TBC1D32: variants seen among roughly 807,000 people sequenced by gnomAD.
TBC1D32 encodes protein broad-minded.
A neutral mutation model predicts 170.3 loss-of-function variants in TBC1D32; 151 were observed. The observed-to-expected ratio is 0.89, with a 90% CI of 0.78 to 1.01. TBC1D32 has a LOEUF of 1.01. Among genes scored for constraint, TBC1D32 ranks in the 50% least tolerant of loss-of-function variants. The pLI is 0.00. For synonymous variants in TBC1D32, 498 were observed against 488.0 expected, an observed-to-expected ratio of 1.02 and a Z score of -0.27; for missense variants, 1,464 against 1,457.1, an observed-to-expected ratio of 1.00 and a Z score of -0.08.
At chr6:121,158,284 A>G (rs940052882) in intron 24 of TBC1D32, among the ~76,000 whole-genome samples, 8 of 152,162 alleles carry the variant, frequency 5.3e-5, no homozygotes, top group Non-Finnish European at 1.0e-4. Context: ...CTATTCTGCT[A>G]TTAATACTTC....
chr6:121,082,937 C>T (rs1267560271), intron 31 of TBC1D32, among the ~76,000 whole-genome samples: 1 of 151,860 alleles, frequency 6.6e-6, no homozygotes, highest in Non-Finnish European at 1.5e-5. Flanking sequence ...TGATATAGTT[C>T]ATTATTGAAA....
intron 15 of TBC1D32, among the ~76,000 whole-genome samples, chr6:121,256,669 GA>G (rs1799061962): frequency 6.6e-6 from 1 of 151,530 alleles, no homozygotes. Flanking sequence ...CAAAGGCTGA[GA>G]AACTTTTTTT....
intron 21 of TBC1D32, among the ~76,000 whole-genome samples, chr6:121,215,454 T>A (rs1484458790): frequency 6.6e-6 from 1 of 152,190 alleles, no homozygotes; most frequent in Non-Finnish European, 1.5e-5. Flanking sequence ...ACCACTGCCA[T>A]CAATTTCATG....
chr6:121,089,925 G>A (rs1776634811), intron 31 of TBC1D32, among the ~76,000 whole-genome samples: 1 of 150,706 alleles, frequency 6.6e-6, no homozygotes, highest in Non-Finnish European at 1.5e-5. Context: ...AACATTTTAA[G>A]TTCAAAGATT....
At chr6:121,277,695 G>C (rs4255016) in intron 15 of TBC1D32, among the ~76,000 whole-genome samples, 149,971 of 151,696 alleles carry the variant, frequency 0.99, 74,167 homozygotes, top group East Asian at 1. Flanking sequence ...AACGAATCAT[G>C]TAAGCTTCCA....
intron 30 of TBC1D32, among the ~76,000 whole-genome samples, chr6:121,103,099 G>A (rs1002145854): frequency 2.0e-5 from 3 of 152,118 alleles, no homozygotes; most frequent in Non-Finnish European, 2.9e-5. Flanking sequence ...TGCTGGAGAG[G>A]ATGTGGAGAA....
At chr6:121,244,628 C>T (rs1035656341) in intron 17 of TBC1D32, among the ~76,000 whole-genome samples, 1 of 152,154 alleles carries the variant, frequency 6.6e-6, no homozygotes, top group African/African-American at 2.4e-5. Flanking sequence ...ATTTTCTACT[C>T]ACTTATTAAA....
At chr6:121,213,880 C>T (rs529017959) in intron 21 of TBC1D32, among the ~76,000 whole-genome samples, 17 of 152,234 alleles carry the variant, frequency 1.1e-4, no homozygotes, top group Non-Finnish European at 2.1e-4. Flanking sequence ...CATCATGTTA[C>T]CTGACTTGGA....
At chr6:121,173,395 T>C (rs1787336603) in intron 22 of TBC1D32, among the ~76,000 whole-genome samples, 1 of 152,178 alleles carries the variant, frequency 6.6e-6, no homozygotes, top group South Asian at 2.1e-4. Flanking sequence ...CTCCCTTTTA[T>C]ATATACTTGT....
chr6:121,324,656 A>T (rs1563413265), intron 1 of TBC1D32, among the ~76,000 whole-genome samples: 1 of 152,202 alleles, frequency 6.6e-6, no homozygotes, highest in Non-Finnish European at 1.5e-5. Flanking sequence ...TTATTTGAAG[A>T]TCTTCCCATA....
intron 23 of TBC1D32, 74 bp downstream of exon 23, chr6:121,160,874 T>C (rs1785537974): frequency 9.0e-7 from 1 of 1,115,634 alleles, no homozygotes; most frequent in South Asian, 1.2e-5. Context: ...AAGTTTAGGG[T>C]GACTTTGAGT....
At chr6:121,321,584 C>A (rs780708560) in intron 2 of TBC1D32, 49 bp downstream of exon 2, 6 of 1,555,170 alleles carry the variant, frequency 3.9e-6, no homozygotes, top group Admixed American at 1.7e-5. Context: ...GCTGTCAAGA[C>A]GTCTTGTTGA....
In TBC1D32 at chr6:121,088,796, G is replaced by A. The variant is rs1776511940; in HGVS notation, c.3654+2057C>T. On this transcript the variant is annotated intron_variant, in intron 31 of 31. Transcript: ENST00000398212. ...TTAATTCCTTGCCTACATGTTCTTA[G>A]TTTGGATTTAAACCAACGCTATTCA... 1.3e-5 allele frequency among the ~76,000 whole-genome samples: 2 copies of A among 152,174 alleles called. 1 individual carries two copies. The highest frequency in any genetic ancestry group is 4.1e-4 in the South Asian group (2 of 4,836).
rs368973341 is a variant in TBC1D32 at position 121,321,685 on chromosome 6, C to T, written c.265G>A (p.Gly89Ser). ...ACCTGCTGTACAACTGTATCATAGC[C>T]GCATTCTTCACCCTGATTCCGATCA... ...TSDRNQGEEC[G>S]YDTVVQQVTK... Residue 89 changes from glycine to serine, a missense_variant, in exon 2 of 32, where the codon GGC becomes AGC. Gly to Ser is a moderately conservative substitution (Grantham distance 56). This residue lies in a region of TBC1D32 where 1,363 missense variants were observed against 1,338.1 expected (regional missense o/e 1.02). Coordinates refer to ENST00000398212, the MANE Select transcript of TBC1D32 (RefSeq NM_152730.6). 7.9e-5 allele frequency: 127 copies of T among 1,613,960 alleles called. No individual in the cohort carries two copies. Among genetic ancestry groups the T allele is most frequent in the South Asian group, 1.8e-4 (16 of 91,064 alleles).
chr6:121,125,328 G>A (rs577467470), intron 26 of TBC1D32, among the ~76,000 whole-genome samples: 42 of 152,284 alleles, frequency 2.8e-4, no homozygotes, highest in African/African-American at 9.9e-4. Flanking sequence ...AAGATCCAAA[G>A]AGAGCACTGG....
intron 10 of TBC1D32, among the ~76,000 whole-genome samples, chr6:121,297,685 G>A (rs1046408008): frequency 2.0e-5 from 3 of 151,968 alleles, no homozygotes; most frequent in Non-Finnish European, 2.9e-5. Context: ...TACTAAAAAT[G>A]TCATAAACAT....
intron 15 of TBC1D32, among the ~76,000 whole-genome samples, chr6:121,278,844 T>A (rs547242512): frequency 6.6e-6 from 1 of 152,086 alleles, no homozygotes; most frequent in South Asian, 2.1e-4. Flanking sequence ...AAAAAATAGC[T>A]AGCTTCTTTG....
intron 31 of TBC1D32, among the ~76,000 whole-genome samples, chr6:121,083,910 T>C (rs764603506): frequency 2.0e-5 from 3 of 152,130 alleles, no homozygotes; most frequent in Non-Finnish European, 2.9e-5. Flanking sequence ...TTGGTCCCTG[T>C]CTCATCTCTT....
intron 21 of TBC1D32, 148 bp downstream of exon 21, chr6:121,223,088 G>C: frequency 1.8e-6 from 1 of 543,362 alleles, no homozygotes; most frequent in Non-Finnish European, 3.2e-6. Context: ...TTCAAAAGTT[G>C]ATATAATTCA....
Sources: allele counts gnomAD v4.1 joint callset (sites outside exome capture counted in the v4.1 genomes callset), GRCh38; gene constraint gnomAD v4.1.1; regional missense constraint gnomAD v4.1.1; transcripts MANE v1.5; gene names NCBI Gene and HGNC (gene_info 2026-07-23, HGNC 2026-07-21).